The following STAU2 variants were observed in gnomAD, a reference collection of about 807,000 sequenced individuals.
STAU2 encodes the protein double-stranded RNA-binding protein Staufen homolog 2.
Under a neutral mutation model 65.9 loss-of-function variants are expected in STAU2, and 20 were observed. The observed-to-expected ratio is 0.30, with a 90% CI of 0.21 to 0.44. STAU2 has a LOEUF of 0.44. Among genes scored for constraint, STAU2 ranks in the 20% least tolerant of loss-of-function variants. STAU2 has a pLI of 1.00. For synonymous variants in STAU2, 232 were observed against 233.9 expected (o/e 0.99, Z 0.07); for missense variants, 558 against 683.9 (o/e 0.82, Z 2.05).
chr8:73,429,982 C>A (rs73686950), intron 13 of STAU2, among the ~76,000 whole-genome samples: 2 of 152,178 alleles, frequency 1.3e-5, no homozygotes, highest in Non-Finnish European at 2.9e-5. Context: ...TCCGAGGCTT[C>A]GCTCAGCACT....
chr8:73,613,096 G>A (rs1440655526), intron 9 of STAU2, among the ~76,000 whole-genome samples: 1 of 152,210 alleles, frequency 6.6e-6, no homozygotes, highest in Admixed American at 6.5e-5. Flanking sequence ...CTGAACGAAT[G>A]GCAACAAAAT....
intron 6 of STAU2, among the ~76,000 whole-genome samples, chr8:73,640,288 G>A (rs1433026738): frequency 6.6e-6 from 1 of 151,604 alleles, no homozygotes; most frequent in Non-Finnish European, 1.5e-5. Context: ...GAAAAAAAAA[G>A]AGACTAGAAC....
At chr8:73,727,808 G>A (rs1805758555) in intron 3 of STAU2, 1 of 152,180 alleles carries the variant, frequency 6.6e-6, no homozygotes. Context: ...TTCCACAGAG[G>A]CTGAACCATT....
chr8:73,632,253 T>C (rs1295875543), intron 6 of STAU2, among the ~76,000 whole-genome samples: 3 of 151,670 alleles, frequency 2.0e-5, no homozygotes, highest in Non-Finnish European at 2.9e-5. Flanking sequence ...AACTATTAAG[T>C]TCAGTACATT....
At chr8:73,744,210 T>G (rs1426529957) in intron 1 of STAU2, among the ~76,000 whole-genome samples, 1 of 152,188 alleles carries the variant, frequency 6.6e-6, no homozygotes, top group Non-Finnish European at 1.5e-5. Flanking sequence ...GGGAGGATTA[T>G]TTAAAATCAA....
intron 13 of STAU2, among the ~76,000 whole-genome samples, chr8:73,548,220 A>G (rs1056027677): frequency 6.6e-6 from 1 of 151,388 alleles, no homozygotes; most frequent in Admixed American, 6.6e-5. Flanking sequence ...TTGTACTTGT[A>G]TTGATCTCCT....
chr8:73,436,462 G>C (rs1242943689), intron 13 of STAU2, among the ~76,000 whole-genome samples: 1 of 151,598 alleles, frequency 6.6e-6, no homozygotes, highest in Non-Finnish European at 1.5e-5. Flanking sequence ...ATATTTTTCA[G>C]CTTTTAAAAA....
At chr8:73,549,978 A>G (rs1807210685) in intron 13 of STAU2, 2 of 985,728 alleles carry the variant, frequency 2.0e-6, no homozygotes, top group African/African-American at 3.5e-5. Context: ...ATAGGCTTTA[A>G]AACTTTTAAC....
intron 11 of STAU2, among the ~76,000 whole-genome samples, chr8:73,591,882 TAAAAAAA>T (rs34533172): frequency 3.6e-3 from 102 of 28,466 alleles, no homozygotes; most frequent in African/African-American, 0.012. Flanking sequence ...ATCCCAGAGG[TAAAAAAA>T]AAAAAAAAAA....
chr8:73,740,758 C>T (rs372723784), intron 1 of STAU2, among the ~76,000 whole-genome samples: 1 of 151,944 alleles, frequency 6.6e-6, no homozygotes, highest in South Asian at 2.1e-4. Context: ...CTCAGCACTC[C>T]GGGAGGCCGA....
intron 13 of STAU2, among the ~76,000 whole-genome samples, chr8:73,429,478 G>A (rs893919480): frequency 2.6e-5 from 3 of 116,350 alleles, no homozygotes; most frequent in South Asian, 2.9e-4. Context: ...TGTTGCTCAC[G>A]CTGGAGTGCA....
rs184368859 is a variant in STAU2 at position 73,597,849 on chromosome 8, G to A, written c.1030-2552C>T. 5.3e-4 allele frequency among the ~76,000 whole-genome samples: 80 copies of A among 152,054 alleles called. 1 individual carries two copies. In the South Asian group the frequency reaches 0.011, roughly 22 times the overall value. On this transcript the variant is annotated intron_variant, in intron 10 of 14. Transcript: ENST00000524300. The stretch of plus-strand genomic sequence containing the variant: ...AAATCAAACCATAATTAAAAACTTC[G>A]CAAAAAGGACTCTTCAGATCTTCTC...
intron 8 of STAU2, among the ~76,000 whole-genome samples, chr8:73,615,449 A>C (rs955803866): frequency 5.3e-5 from 8 of 152,202 alleles, no homozygotes; most frequent in African/African-American, 1.9e-4. Context: ...TTGAAATACC[A>C]TGTATACAAA....
intron 11 of STAU2, among the ~76,000 whole-genome samples, chr8:73,583,875 G>A (rs1221149957): frequency 1.3e-5 from 2 of 152,158 alleles, no homozygotes; most frequent in East Asian, 3.9e-4. Context: ...AGTGACTTTA[G>A]TTATATTATC....
chr8:73,444,355 G>A (rs572775667), intron 13 of STAU2, among the ~76,000 whole-genome samples: 97 of 150,058 alleles, frequency 6.5e-4, no homozygotes, highest in African/African-American at 2.0e-3. Flanking sequence ...GCAGTGAGCC[G>A]AGATCGCATC....
chr8:73,532,135 T>TA, intron 13 of STAU2, among the ~76,000 whole-genome samples: 1 of 152,114 alleles, frequency 6.6e-6, no homozygotes, highest in East Asian at 1.9e-4. Flanking sequence ...AACATTGAAA[T>TA]AGAGGTCATA....
At chr8:73,591,992 A>G (rs947654123) in intron 11 of STAU2, among the ~76,000 whole-genome samples, 29 of 151,334 alleles carry the variant, frequency 1.9e-4, no homozygotes, top group African/African-American at 6.8e-4. Flanking sequence ...AAAAATTCAC[A>G]GCATTAAATG....
At chr8:73,632,805 CTT>C (rs1379797384) in intron 6 of STAU2, among the ~76,000 whole-genome samples, 1 of 152,144 alleles carries the variant, frequency 6.6e-6, no homozygotes, top group African/African-American at 2.4e-5. Context: ...TCACTTGACT[CTT>C]GTTTAATCAA....
chr8:73,640,275 C>A (rs1428257216), intron 6 of STAU2, among the ~76,000 whole-genome samples: 2 of 151,204 alleles, frequency 1.3e-5, no homozygotes, highest in Non-Finnish European at 3.0e-5. Flanking sequence ...ACAACTTCTA[C>A]CAGAAAAAAA....
Sources: allele counts gnomAD v4.1 joint callset (sites outside exome capture counted in the v4.1 genomes callset), GRCh38; gene constraint gnomAD v4.1.1; transcripts MANE v1.5; gene names NCBI Gene and HGNC (gene_info 2026-07-23, HGNC 2026-07-21).